The following GABRB1 variants were observed in gnomAD, a reference collection of about 807,000 sequenced individuals.
GABRB1 encodes gamma-aminobutyric acid receptor subunit beta-1.
Under a neutral mutation model 51.6 loss-of-function variants are expected in GABRB1, and 17 were observed. That is an observed-to-expected ratio of 0.33 (90% confidence interval 0.23 to 0.49). GABRB1 has a LOEUF of 0.49. GABRB1 is among the 20% of genes least tolerant of loss of function. The pLI is 0.99. For missense variants in GABRB1, 410 were observed against 600.6 expected, an observed-to-expected ratio of 0.68 and a Z score of 3.32; for synonymous variants, 247 against 218.9, an observed-to-expected ratio of 1.13 and a Z score of -1.14.
intron 5 of GABRB1, among the ~76,000 whole-genome samples, chr4:47,338,296 A>C (rs917225256): frequency 6.6e-6 from 1 of 152,134 alleles, no homozygotes; most frequent in Admixed American, 6.5e-5. Flanking sequence ...GCAAGTGTTC[A>C]TTGTGCACAT....
chr4:47,194,824 T>C (rs1417437033), intron 4 of GABRB1, among the ~76,000 whole-genome samples: 1 of 152,194 alleles, frequency 6.6e-6, no homozygotes, highest in African/African-American at 2.4e-5. Context: ...GTCTAAAGGA[T>C]ATTAAGTTCC....
intron 4 of GABRB1, among the ~76,000 whole-genome samples, chr4:47,205,092 T>C (rs933110128): frequency 2.6e-5 from 4 of 152,104 alleles, no homozygotes; most frequent in African/African-American, 9.7e-5. Flanking sequence ...ACAGAGGCAG[T>C]TTTACTAGGT....
intron 1 of GABRB1, among the ~76,000 whole-genome samples, chr4:47,026,263 T>C: frequency 6.6e-6 from 1 of 152,090 alleles, no homozygotes; most frequent in Admixed American, 6.6e-5. Context: ...TATTGTTGCA[T>C]AGTTCTAAAA....
intron 4 of GABRB1, among the ~76,000 whole-genome samples, chr4:47,224,725 C>G (rs147835394): frequency 3.9e-4 from 60 of 152,216 alleles, no homozygotes; most frequent in African/African-American, 1.2e-3. Flanking sequence ...AGGAGGCTAA[C>G]TAAAGTTTGG....
intron 5 of GABRB1, among the ~76,000 whole-genome samples, chr4:47,392,206 C>A (rs1728021861): frequency 6.6e-6 from 1 of 152,006 alleles, no homozygotes; most frequent in Non-Finnish European, 1.5e-5. Flanking sequence ...CTGTGAGAGG[C>A]ACTGTCCTAG....
intron 3 of GABRB1, among the ~76,000 whole-genome samples, chr4:47,097,058 G>C (rs995325869): frequency 6.6e-6 from 1 of 152,182 alleles, no homozygotes; most frequent in Non-Finnish European, 1.5e-5. Context: ...CTACGTTCCA[G>C]TCTCAAAATA....
chr4:47,188,334 T>C (rs1481434936), intron 4 of GABRB1, among the ~76,000 whole-genome samples: 1 of 152,034 alleles, frequency 6.6e-6, no homozygotes, highest in Non-Finnish European at 1.5e-5. Flanking sequence ...CATTATTTTA[T>C]AGTCACTTTG....
chr4:47,366,525 A>C (rs528986380), intron 5 of GABRB1, among the ~76,000 whole-genome samples: 5 of 152,282 alleles, frequency 3.3e-5, no homozygotes, highest in Non-Finnish European at 7.4e-5. Context: ...CCATAGGATA[A>C]ATTCAACCAT....
chr4:47,018,562 G>A (rs1249807641), intron 1 of GABRB1, among the ~76,000 whole-genome samples: 1 of 152,084 alleles, frequency 6.6e-6, no homozygotes, highest in East Asian at 1.9e-4. Context: ...GTAATTTTTG[G>A]CTACTCAAGA....
At chr4:47,347,501 A>G (rs1726145340) in intron 5 of GABRB1, among the ~76,000 whole-genome samples, 1 of 152,172 alleles carries the variant, frequency 6.6e-6, no homozygotes, top group African/African-American at 2.4e-5. Flanking sequence ...AATGCCGTAT[A>G]TGCTGTTGCC....
intron 5 of GABRB1, among the ~76,000 whole-genome samples, chr4:47,397,980 T>C (rs1246599297): frequency 2.0e-5 from 3 of 152,230 alleles, no homozygotes; most frequent in African/African-American, 7.2e-5. Flanking sequence ...GAGGCAATCA[T>C]ATTAAATTGT....
chr4:47,397,083 T>C (rs1486881461), intron 5 of GABRB1, among the ~76,000 whole-genome samples: 1 of 152,196 alleles, frequency 6.6e-6, no homozygotes, highest in Non-Finnish European at 1.5e-5. Flanking sequence ...AATTATTTTT[T>C]GTCTCTTATT....
At chr4:47,169,278 A>G (rs916141028) in intron 4 of GABRB1, among the ~76,000 whole-genome samples, 2 of 152,184 alleles carry the variant, frequency 1.3e-5, no homozygotes, top group Non-Finnish European at 2.9e-5. Context: ...ATCTTGAGGT[A>G]GAGTTTGTAC....
At chr4:47,073,233 T>G (rs1265799928) in intron 3 of GABRB1, among the ~76,000 whole-genome samples, 1 of 152,210 alleles carries the variant, frequency 6.6e-6, no homozygotes, top group Non-Finnish European at 1.5e-5. Flanking sequence ...GCATAGCCCC[T>G]TTGTTACCAT....
chr4:47,205,215 C>T (rs1310659484), intron 4 of GABRB1, among the ~76,000 whole-genome samples: 2 of 152,102 alleles, frequency 1.3e-5, no homozygotes, highest in African/African-American at 4.8e-5. Flanking sequence ...ATTCAAGACT[C>T]TTTCACAAGA....
intron 4 of GABRB1, among the ~76,000 whole-genome samples, chr4:47,252,718 G>A (rs1722043073): frequency 6.6e-6 from 1 of 151,844 alleles, no homozygotes; most frequent in Non-Finnish European, 1.5e-5. Flanking sequence ...ATATTGGCCA[G>A]GCTGGTCTCA....
chr4:47,150,185 ACACAC>A (rs1717364687), intron 3 of GABRB1, among the ~76,000 whole-genome samples: 1 of 4,554 alleles, frequency 2.2e-4, no homozygotes, highest in African/African-American at 9.1e-4. Flanking sequence ...CACACACAAC[ACACAC>A]ACACACACAC....
At chr4:47,223,566 G>A (rs1276725854) in intron 4 of GABRB1, among the ~76,000 whole-genome samples, 1 of 151,952 alleles carries the variant, frequency 6.6e-6, no homozygotes, top group African/African-American at 2.4e-5. Context: ...GTACTTTTGT[G>A]CTTATTTTGT....
intron 3 of GABRB1, among the ~76,000 whole-genome samples, chr4:47,040,714 G>GACAGAAGAATTCTCAGAATCTTATTT: frequency 6.6e-6 from 1 of 152,150 alleles, no homozygotes; most frequent in South Asian, 2.1e-4. Context: ...TCACAAATAA[G>GACAGAAGAATTCTCAGAATCTTATTT]GTGAGCTCTA....
Sources: allele counts gnomAD v4.1 joint callset (sites outside exome capture counted in the v4.1 genomes callset), GRCh38; gene constraint gnomAD v4.1.1; transcripts MANE v1.5; gene names NCBI Gene and HGNC (gene_info 2026-07-23, HGNC 2026-07-21).